ASTN2: variants seen among roughly 807,000 people sequenced by gnomAD.
The protein encoded by ASTN2 is astrotactin-2.
ASTN2 carries 54 observed loss-of-function variants against 139.8 expected under a neutral mutation model. That is an observed-to-expected ratio of 0.39 (90% CI 0.31 to 0.48). The LOEUF is 0.48. Among genes scored for constraint, ASTN2 ranks in the 20% least tolerant of loss-of-function variants. The pLI is 0.95. For synonymous variants in ASTN2, 756 were observed against 719.5 expected (o/e 1.05, Z -0.81); for missense variants, 1,565 against 1,725.1 (o/e 0.91, Z 1.64).
intron 10 of ASTN2, among the ~76,000 whole-genome samples, chr9:116,894,055 T>C (rs1211384400): frequency 2.0e-5 from 3 of 152,172 alleles, no homozygotes; most frequent in African/African-American, 7.2e-5. Context: ...TAGCCTTCCC[T>C]ACTTCCATTC....
intron 4 of ASTN2, among the ~76,000 whole-genome samples, chr9:117,100,341 C>G (rs2132762834): frequency 6.6e-6 from 1 of 152,296 alleles, no homozygotes; most frequent in African/African-American, 2.4e-5. Context: ...TGTCTATAAA[C>G]CAGATTCAAT....
chr9:117,098,936 C>T (rs989967888), intron 4 of ASTN2, among the ~76,000 whole-genome samples: 5 of 151,896 alleles, frequency 3.3e-5, no homozygotes, highest in South Asian at 4.2e-4. Context: ...GGTGAAACCC[C>T]GTCTCTACTA....
chr9:117,008,321 A>G, intron 6 of ASTN2, 62 bp from the exon 7 acceptor site: 1 of 1,453,824 alleles, frequency 6.9e-7, no homozygotes, highest in Non-Finnish European at 9.2e-7. Context: ...CTGATGCTAC[A>G]GAACACAGAA....
At chr9:116,797,390 A>C (rs1365814518) in intron 13 of ASTN2, among the ~76,000 whole-genome samples, 1 of 151,874 alleles carries the variant, frequency 6.6e-6, no homozygotes, top group Non-Finnish European at 1.5e-5. Flanking sequence ...ATGGAGCCAC[A>C]CAAAAGAAAA....
intron 6 of ASTN2, among the ~76,000 whole-genome samples, chr9:117,031,655 C>T (rs1174964924): frequency 6.6e-6 from 1 of 151,902 alleles, no homozygotes; most frequent in African/African-American, 2.4e-5. Context: ...CATAAGGGAG[C>T]TAACAGAGGC....
intron 19 of ASTN2, among the ~76,000 whole-genome samples, chr9:116,519,794 A>C (rs1346512408): frequency 2.6e-5 from 4 of 152,138 alleles, no homozygotes. Context: ...GAAGATCCAA[A>C]TAAGCTCAAT....
intron 2 of ASTN2, among the ~76,000 whole-genome samples, chr9:117,278,831 A>G (rs986659660): frequency 5.9e-5 from 9 of 152,190 alleles, no homozygotes; most frequent in Admixed American, 4.6e-4. Flanking sequence ...CTGAACCTAC[A>G]GCGTGAGTGG....
chr9:116,699,133 G>C lies in ASTN2; in HGVS notation c.2806+26638C>G. 2 of 1,614,222 alleles carry C rather than the reference G, an allele frequency of 1.2e-6. No individual in the cohort carries two copies. Among genetic ancestry groups the C allele is most frequent in the Non-Finnish European group, 1.7e-6 (2 of 1,180,020 alleles). On this transcript the variant is annotated intron_variant, in intron 16 of 22. Transcript: ENST00000313400. The surrounding 1 kb of genome is among the most constrained non-coding windows in gnomAD (Gnocchi z 4.2). ...ACCTTGGATGGCCACTGCGTGGCCT[G>C]TCACAGGAGCCAGCTGAGCAAACCA...
chr9:117,378,286 T>TA (rs1830177173), intron 1 of ASTN2, among the ~76,000 whole-genome samples: 1 of 151,912 alleles, frequency 6.6e-6, no homozygotes, highest in Admixed American at 6.6e-5. Flanking sequence ...TAGTCCAGAG[T>TA]GTTTCCACCA....
intron 19 of ASTN2, among the ~76,000 whole-genome samples, chr9:116,506,300 A>G (rs1209288334): frequency 6.6e-6 from 1 of 152,188 alleles, no homozygotes. Context: ...AAAATTTTCT[A>G]AAGTCCTTCA....
At chr9:117,095,387 G>C (rs1244972024) in intron 5 of ASTN2, among the ~76,000 whole-genome samples, 1 of 152,216 alleles carries the variant, frequency 6.6e-6, no homozygotes, top group African/African-American at 2.4e-5. Flanking sequence ...GTGGAGTCCT[G>C]CTTCAGCATT....
chr9:117,016,598 ATATATCTATATCTATATCTATCTATC>A (rs1471368447), intron 6 of ASTN2, among the ~76,000 whole-genome samples: 259 of 13,786 alleles, frequency 0.019, 21 homozygotes, highest in Admixed American at 0.041. Flanking sequence ...GGTTTTATAT[ATATATCTATATCTATATCTATCTATC>A]TATATATATA....
At chr9:116,949,546 G>A (rs1001381096) in intron 10 of ASTN2, among the ~76,000 whole-genome samples, 2 of 152,204 alleles carry the variant, frequency 1.3e-5, no homozygotes, top group Non-Finnish European at 2.9e-5. Flanking sequence ...TGAAGTTGAT[G>A]TGAAGGCCCT....
At chr9:117,190,023 T>C (rs929715917) in intron 3 of ASTN2, among the ~76,000 whole-genome samples, 3 of 152,170 alleles carry the variant, frequency 2.0e-5, no homozygotes, top group African/African-American at 7.2e-5. Flanking sequence ...GCTGTCTCAA[T>C]TTCTCCTTCC....
intron 3 of ASTN2, among the ~76,000 whole-genome samples, chr9:117,175,575 G>A (rs1830896586): frequency 6.6e-6 from 1 of 152,136 alleles, no homozygotes; most frequent in African/African-American, 2.4e-5. Flanking sequence ...CATGGTACTA[G>A]AACAGGAGAG....
At chr9:116,474,359 G>T (rs1251217936) in intron 20 of ASTN2, among the ~76,000 whole-genome samples, 2 of 152,202 alleles carry the variant, frequency 1.3e-5, no homozygotes, top group African/African-American at 2.4e-5. Context: ...GATCAGTGGT[G>T]TTTGCAGTCT....
intron 1 of ASTN2, among the ~76,000 whole-genome samples, chr9:117,339,319 C>T (rs533308715): frequency 3.3e-5 from 5 of 152,100 alleles, no homozygotes; most frequent in African/African-American, 9.7e-5. Flanking sequence ...TATGCCACAC[C>T]GCATTGGAGC....
At chr9:116,878,715 A>C (rs182125839) in intron 10 of ASTN2, among the ~76,000 whole-genome samples, 6 of 147,958 alleles carry the variant, frequency 4.1e-5, no homozygotes, top group African/African-American at 7.3e-5. Context: ...TTATTTTTTT[A>C]AAAAAAGAAA....
intron 4 of ASTN2, among the ~76,000 whole-genome samples, chr9:117,128,476 G>GATT (rs1335910975): frequency 1.3e-5 from 2 of 151,162 alleles, no homozygotes; most frequent in East Asian, 3.9e-4. Flanking sequence ...AAGGGCAATT[G>GATT]GGGAGGTTAG....
Sources: allele counts gnomAD v4.1 joint callset (sites outside exome capture counted in the v4.1 genomes callset), GRCh38; gene constraint gnomAD v4.1.1; non-coding constraint Gnocchi (gnomAD v3.1); transcripts MANE v1.5; gene names NCBI Gene and HGNC (gene_info 2026-07-23, HGNC 2026-07-21).